DNMT3B: variants seen among roughly 807,000 people sequenced by gnomAD.
DNMT3B encodes DNA (cytosine-5)-methyltransferase 3B.
Under a neutral mutation model 120.2 loss-of-function variants are expected in DNMT3B, and 37 were observed. The ratio of observed to expected loss-of-function variants is 0.31; its 90% confidence interval spans 0.24 to 0.40. DNMT3B has a LOEUF of 0.40. Among genes scored for constraint, DNMT3B ranks in the 10% least tolerant of loss-of-function variants. The pLI is 1.00. For synonymous variants in DNMT3B, 412 were observed against 442.8 expected, an observed-to-expected ratio of 0.93 and a Z score of 0.87; for missense variants, 878 against 1,137.3, an observed-to-expected ratio of 0.77 and a Z score of 3.28.
intron 17 of DNMT3B, 52 bp from the exon 18 acceptor site, chr20:32,800,783 C>G: frequency 1.3e-6 from 2 of 1,590,044 alleles, no homozygotes; most frequent in Admixed American, 3.3e-5. Flanking sequence ...GTGGGTCCAG[C>G]TCTCTTTCCC....
chr20:32,789,494 T>C (rs753978194), intron 7 of DNMT3B, among the ~76,000 whole-genome samples: 2 of 152,226 alleles, frequency 1.3e-5, no homozygotes, highest in Non-Finnish European at 2.9e-5. Flanking sequence ...GATGATTGAT[T>C]CTAGCCTTTT....
At chr20:32,785,851 T>C (rs1979201779) in intron 4 of DNMT3B, among the ~76,000 whole-genome samples, 1 of 150,612 alleles carries the variant, frequency 6.6e-6, no homozygotes. Flanking sequence ...TATTTTAGAG[T>C]GAACACGAAT....
chr20:32,806,121 C>T (rs1301216117), intron 21 of DNMT3B, 88 bp from the exon 22 acceptor site: 2 of 1,219,192 alleles, frequency 1.6e-6, no homozygotes, highest in African/African-American at 3.0e-5. Context: ...CTGCGCTCTC[C>T]CCTCCATCTT....
intron 20 of DNMT3B, 52 bp from the exon 21 acceptor site, chr20:32,805,286 G>A (rs1409026335): frequency 9.3e-6 from 15 of 1,610,948 alleles, no homozygotes; most frequent in Admixed American, 5.0e-5. Context: ...CTTGTGCCTA[G>A]CAGAGGACCC....
At position 32,762,528 on chromosome 20, in the gene DNMT3B, C is replaced by T. The variant is rs1451457146; in HGVS notation, c.-178C>T. On this transcript the variant is annotated 5_prime_UTR_variant, in exon 1 of 23. The change creates a new upstream start codon in the 5' untranslated region. Transcript: ENST00000328111. Reference sequence around the variant, plus strand: ...TGGCGGTCGGGCGAGCGGGCGGCAACGCTGCCCGGCCGGCAGCGCTGGGGT... The same window carrying T: ...TGGCGGTCGGGCGAGCGGGCGGCAATGCTGCCCGGCCGGCAGCGCTGGGGT... The T allele has an allele frequency of 3.1e-6, 1 of 325,312 alleles. No homozygotes were observed. The highest frequency in any genetic ancestry group is 6.3e-6 in the Non-Finnish European group (1 of 157,940). 20.2% of individuals were successfully genotyped at this position (325,312 alleles called of 1,614,324 possible). A position where few individuals can be genotyped will look rare whatever the true frequency, so the allele number is the denominator to read the frequency against.
chr20:32,801,007 C>A, intron 18 of DNMT3B, 82 bp downstream of exon 18: 1 of 1,529,594 alleles, frequency 6.5e-7, no homozygotes, highest in Non-Finnish European at 9.0e-7. Context: ...TGAGAAGGAG[C>A]CACTTGCTTC....
chr20:32,793,753 C>T (rs932608329), intron 10 of DNMT3B, among the ~76,000 whole-genome samples, 158 bp downstream of exon 10: 1 of 152,138 alleles, frequency 6.6e-6, no homozygotes, highest in South Asian at 2.1e-4. Flanking sequence ...TCACAAATAC[C>T]CTCCAGGTTA....
chr20:32,802,572 AATAGTT>A, intron 20 of DNMT3B, 102 bp downstream of exon 20: 2 of 1,224,420 alleles, frequency 1.6e-6, no homozygotes, highest in Non-Finnish European at 2.4e-6. Flanking sequence ...TCTGCTGAGA[AATAGTT>A]ATACTTGGAT....
chr20:32,787,208 C>A (rs754076026), intron 5 of DNMT3B, 22 bp from the exon 6 acceptor site: 3 of 1,614,144 alleles, frequency 1.9e-6, no homozygotes, highest in Non-Finnish European at 2.5e-6. Flanking sequence ...CTGGCCCAAA[C>A]TATGTGTCCT....
rs1416561240 is a variant in DNMT3B, at chr20:32,784,980, G to T, written c.306+121G>T. 3 of 958,910 alleles carry T rather than the reference G, an allele frequency of 3.1e-6. No homozygotes were observed. In the African/African-American group the frequency reaches 4.9e-5, roughly 16 times the overall value. 59.4% of individuals were successfully genotyped at this position (958,910 alleles called of 1,614,324 possible). A position where few individuals can be genotyped will look rare whatever the true frequency, so the allele number is the denominator to read the frequency against. ...TTTTAAGAGAAAGTGATGAAAAAAT[G>T]TTTTGAAACTAGAAAATATAAGCAA... On this transcript the variant is annotated intron_variant, in intron 4 of 22. Coordinates refer to ENST00000328111, the MANE Select transcript of DNMT3B (RefSeq NM_006892.4).
intron 22 of DNMT3B, 80 bp downstream of exon 22, chr20:32,806,407 A>G: frequency 7.8e-7 from 1 of 1,288,232 alleles, no homozygotes. Flanking sequence ...GCTTACCTTC[A>G]TTCTTGATGG....
At chr20:32,777,354 T>TA (rs1393449945) in intron 1 of DNMT3B, among the ~76,000 whole-genome samples, 9 of 151,498 alleles carry the variant, frequency 5.9e-5, no homozygotes, top group African/African-American at 2.0e-4. Context: ...CCAGGGTGGT[T>TA]AATCATTGTC....
At chr20:32,779,789 A>C in intron 1 of DNMT3B, 1 of 402,260 alleles carries the variant, frequency 2.5e-6, no homozygotes, top group East Asian at 4.2e-5. Flanking sequence ...TGCCATGGAG[A>C]GGAGAGAAGC....
At chr20:32,796,969 C>CTCA in intron 13 of DNMT3B, 100 bp downstream of exon 13, 1 of 1,613,674 alleles carries the variant, frequency 6.2e-7, no homozygotes, top group Non-Finnish European at 8.5e-7. Flanking sequence ...GTGAAGCCCA[C>CTCA]TCATCCCAGC....
intron 3 of DNMT3B, among the ~76,000 whole-genome samples, chr20:32,782,326 A>G (rs978442736): frequency 3.9e-5 from 6 of 152,240 alleles, no homozygotes; most frequent in Non-Finnish European, 7.3e-5. Context: ...ACTTCAAGTA[A>G]GGGATGGTTA....
rs570434284 is a variant in DNMT3B at position 32,808,563 on chromosome 20, A to T, written c.*660A>T. On this transcript the variant is annotated 3_prime_UTR_variant, in exon 23 of 23. Transcript: ENST00000328111. ...TGATTTCAGCAGGGATGACGTCATC[A>T]TCACATTCAGGGCTATTTTTTCCCC... 1 of 232,152 alleles carries T rather than the reference A, an allele frequency of 4.3e-6. No individual in the cohort carries two copies. The highest frequency in any genetic ancestry group is 5.6e-5 in the Admixed American group (1 of 17,782). The allele number at this position is 232,152 out of a possible 1,614,324, so 14.4% of individuals were successfully genotyped here.
rs1476034675 is a variant in DNMT3B, at chr20:32,805,406, A to G, written c.2300A>G (p.Lys767Arg). 6.2e-7 allele frequency: 1 copy of G among 1,614,050 alleles called. No homozygotes were observed. Among genetic ancestry groups the G allele is most frequent in the South Asian group, 1.1e-5 (1 of 91,084 alleles). The change falls in exon 21 of 23, where the codon AAG becomes AGG. Residue 767 changes from lysine (K) to arginine (R), a missense_variant and splice_region_variant. This residue lies in a region of DNMT3B where 334 missense variants were observed against 518.8 expected (regional missense o/e 0.64). Coordinates refer to ENST00000328111, the MANE Select transcript of DNMT3B (RefSeq NM_006892.4). ...TGCTTGGAATACAATAGGATAGCCA[A>G]GGTAAGACGAGCTGTGGCCCTCTGG... ...QDCLEYNRIA[K>R]LKKVQTITTK...
intron 1 of DNMT3B, among the ~76,000 whole-genome samples, chr20:32,772,471 T>TGG (rs1324803577): frequency 3.3e-5 from 5 of 152,162 alleles, no homozygotes; most frequent in Non-Finnish European, 7.4e-5. Context: ...TTTGCCCCCT[T>TGG]GGGAGGGGAC....
intron 5 of DNMT3B, 125 bp from the exon 6 acceptor site, chr20:32,787,105 C>T (rs1333751303): frequency 1.7e-6 from 2 of 1,180,596 alleles, no homozygotes; most frequent in Non-Finnish European, 2.5e-6. Flanking sequence ...CTTCAGCGGT[C>T]TCTGTTCTCT....
Sources: gnomAD v4.1 joint callset for allele counts (sites outside exome capture counted in the v4.1 genomes callset) on GRCh38, gnomAD v4.1.1 for gene constraint, gnomAD v4.1.1 regional missense constraint, MANE v1.5 for transcripts, NCBI Gene and HGNC (gene_info 2026-07-23, HGNC 2026-07-21) for gene names.